The following C8A variants were observed in gnomAD, a reference collection of about 807,000 sequenced individuals.
C8A encodes complement C8 alpha chain.
C8A carries 67 observed loss-of-function variants against 65.3 expected under a neutral mutation model. The ratio of observed to expected loss-of-function variants is 1.03; its 90% confidence interval spans 0.84 to 1.26. C8A has a LOEUF of 1.26. Among genes scored for constraint, C8A ranks in the 50% most tolerant of loss-of-function variants. C8A has a pLI of 0.00. For synonymous variants in C8A, 290 were observed against 259.4 expected (o/e 1.12, Z -1.13); for missense variants, 781 against 723.9 (o/e 1.08, Z -0.90).
chr1:56,885,392 TTAAA>T (rs1362429373), intron 6 of C8A, among the ~76,000 whole-genome samples: 12 of 110,080 alleles, frequency 1.1e-4, no homozygotes, highest in Middle Eastern at 4.5e-3. Context: ...AAATATATAT[TTAAA>T]TAAATATATA....
rs1284693664 is a variant in C8A at position 56,883,520 on chromosome 1, A to T, written c.694A>T (p.Asn232Tyr). The change falls in exon 6 of 11, where the codon AAT becomes TAT. Residue 232 changes from asparagine (N) to tyrosine (Y), a missense_variant. Transcript: ENST00000361249. ...TGGAATCTCCTCAGAGTTTTATGAT[A>T]ATGCAAATGACCTTCTTTCCAAAGT... ...DTGISSEFYD[N>Y]ANDLLSKVKK... The T allele has an allele frequency of 1.2e-6, 2 of 1,613,884 alleles. No homozygotes were observed. The highest frequency in any genetic ancestry group is 2.2e-5 in the South Asian group (2 of 91,076).
chr1:56,886,567 C>T (rs1355180327), intron 7 of C8A, among the ~76,000 whole-genome samples: 1 of 152,168 alleles, frequency 6.6e-6, no homozygotes, highest in Non-Finnish European at 1.5e-5. Context: ...ACTCCTCCTT[C>T]TCCTTCACTC....
intron 9 of C8A, among the ~76,000 whole-genome samples, chr1:56,909,454 T>C (rs955329375): frequency 6.6e-6 from 1 of 152,246 alleles, no homozygotes; most frequent in South Asian, 2.1e-4. Context: ...ACCATTTTCA[T>C]GCAACTGTAA....
At chr1:56,895,041 A>G (rs1177363414) in intron 7 of C8A, among the ~76,000 whole-genome samples, 1 of 152,170 alleles carries the variant, frequency 6.6e-6, no homozygotes, top group Non-Finnish European at 1.5e-5. Context: ...GAGGAATTAT[A>G]TTGTTATTTT....
chr1:56,915,891 G>T (rs1283457566), intron 10 of C8A, among the ~76,000 whole-genome samples: 1 of 152,172 alleles, frequency 6.6e-6, no homozygotes, highest in Non-Finnish European at 1.5e-5. Context: ...TCATTTTGGG[G>T]AGTGGAAAGT....
chr1:56,891,143 A>G (rs532892098), intron 7 of C8A, among the ~76,000 whole-genome samples: 1 of 152,242 alleles, frequency 6.6e-6, no homozygotes, highest in South Asian at 2.1e-4. Flanking sequence ...TGATCTGGGA[A>G]TGTCTGTTTG....
intron 9 of C8A, among the ~76,000 whole-genome samples, chr1:56,909,221 A>G (rs1325445176): frequency 6.6e-6 from 1 of 152,222 alleles, no homozygotes; most frequent in East Asian, 1.9e-4. Flanking sequence ...AAGAGACTGC[A>G]TTTCAGACTT....
chr1:56,894,458 C>T (rs1407213298), intron 7 of C8A, among the ~76,000 whole-genome samples: 1 of 152,136 alleles, frequency 6.6e-6, no homozygotes, highest in African/African-American at 2.4e-5. Context: ...TTTCCATCAT[C>T]CCTGGCCCTG....
rs558241994 is a variant in C8A at position 56,880,638 on chromosome 1, A to T, written c.465-807A>T. Among the ~76,000 whole-genome samples, 6 of 152,278 alleles carry T rather than the reference A, an allele frequency of 3.9e-5. No homozygotes were observed. The South Asian group carries it at 1.2e-3, about 32-fold the overall frequency. Reference sequence around the variant, plus strand: ...TGAGGATTAGAGTCTCAACCTTAGCACTATGAATTGCATCCAATATTTCAA... The same window carrying T: ...TGAGGATTAGAGTCTCAACCTTAGCTCTATGAATTGCATCCAATATTTCAA... On this transcript the variant is annotated intron_variant, in intron 4 of 10. Coordinates refer to ENST00000361249, the MANE Select transcript of C8A (RefSeq NM_000562.3).
chr1:56,880,529 G>C (rs1644239168), intron 4 of C8A, among the ~76,000 whole-genome samples: 1 of 152,134 alleles, frequency 6.6e-6, no homozygotes, highest in African/African-American at 2.4e-5. Context: ...AAGTGGCAAA[G>C]CTGGAAATTA....
chr1:56,878,310 G>A (rs1644217267), intron 4 of C8A, among the ~76,000 whole-genome samples: 1 of 152,082 alleles, frequency 6.6e-6, no homozygotes. Context: ...TGAATGTTGG[G>A]GACATGTAAT....
At chr1:56,855,604 A>C (rs1643966195) in intron 1 of C8A, among the ~76,000 whole-genome samples, 1 of 143,472 alleles carries the variant, frequency 7.0e-6, no homozygotes, top group Admixed American at 7.0e-5. Context: ...TACCCATTCT[A>C]TTTTCTTGAG....
chr1:56,885,424 TTAAATA>T (rs1644289123), intron 6 of C8A, among the ~76,000 whole-genome samples: 1 of 90,096 alleles, frequency 1.1e-5, no homozygotes, highest in African/African-American at 9.4e-5. Context: ...AAATATATAT[TTAAATA>T]TATATTTAAG....
intron 10 of C8A, 144 bp downstream of exon 10, chr1:56,912,769 C>T: frequency 1.4e-6 from 1 of 729,156 alleles, no homozygotes; most frequent in Non-Finnish European, 2.4e-6. Context: ...TTCTGTTACT[C>T]ACCCATCACA....
chr1:56,912,301 TG>T (rs1644514135), intron 9 of C8A, 101 bp from the exon 10 acceptor site: 1 of 1,020,338 alleles, frequency 9.8e-7, no homozygotes, highest in Non-Finnish European at 1.5e-6. Context: ...TGTCTGTGCC[TG>T]GCATGTATCA....
chr1:56,870,839 AG>A (rs1200298310), intron 2 of C8A, among the ~76,000 whole-genome samples: 1 of 152,172 alleles, frequency 6.6e-6, no homozygotes, highest in Non-Finnish European at 1.5e-5. Flanking sequence ...AGACCACCCT[AG>A]TTTTTTTTAT....
chr1:56,898,851 C>T (rs963487861), intron 7 of C8A, among the ~76,000 whole-genome samples: 5 of 152,124 alleles, frequency 3.3e-5, no homozygotes, highest in Non-Finnish European at 5.9e-5. Flanking sequence ...ACTGCAGAGT[C>T]AGGGGTGGTA....
At chr1:56,881,394 TATAAAA>T (rs1644246008) in intron 4 of C8A, 45 bp from the exon 5 acceptor site, 5 of 1,581,388 alleles carry the variant, frequency 3.2e-6, no homozygotes, top group Non-Finnish European at 4.3e-6. Context: ...ATCACCCAGG[TATAAAA>T]CCCAGCATCC....
At chr1:56,860,277 G>A (rs1644020286) in intron 1 of C8A, among the ~76,000 whole-genome samples, 1 of 152,152 alleles carries the variant, frequency 6.6e-6, no homozygotes, top group South Asian at 2.1e-4. Context: ...CTCTGTGGTT[G>A]GAAGTGGCTT....
Sources: allele counts gnomAD v4.1 joint callset (sites outside exome capture counted in the v4.1 genomes callset), GRCh38; gene constraint gnomAD v4.1.1; transcripts MANE v1.5; gene names NCBI Gene and HGNC (gene_info 2026-07-23, HGNC 2026-07-21).